The following SPATA17 variants were observed in gnomAD, a reference collection of about 807,000 sequenced individuals.
The protein encoded by SPATA17 is spermatogenesis associated 17.
A neutral mutation model predicts 62.2 loss-of-function variants in SPATA17; 53 were observed. That is an observed-to-expected ratio of 0.85 (90% confidence interval 0.68 to 1.07). The LOEUF is 1.07. Ranked by LOEUF, SPATA17 falls within the 50% of genes least tolerant of loss-of-function variation. SPATA17 has a pLI of 0.00. For synonymous variants in SPATA17, 146 were observed against 146.8 expected (o/e 0.99, Z 0.04); for missense variants, 466 against 425.5 (o/e 1.10, Z -0.84).
At chr1:217,838,242 T>C (rs1314901298) in intron 9 of SPATA17, among the ~76,000 whole-genome samples, 1 of 152,070 alleles carries the variant, frequency 6.6e-6, no homozygotes. Context: ...TTGCCCAATT[T>C]TGGGGGATAG....
chr1:217,751,503 T>G (rs1003090259), intron 6 of SPATA17, among the ~76,000 whole-genome samples: 20 of 152,208 alleles, frequency 1.3e-4, no homozygotes, highest in African/African-American at 4.3e-4. Context: ...ATTGGCAGTC[T>G]CTGTGCAGAA....
chr1:217,828,888 G>T (rs1675065272), intron 9 of SPATA17, among the ~76,000 whole-genome samples: 1 of 152,052 alleles, frequency 6.6e-6, no homozygotes, highest in Non-Finnish European at 1.5e-5. Flanking sequence ...TCAAATCACT[G>T]AGATATCACC....
chr1:217,781,869 A>T lies in SPATA17; in HGVS notation c.724-305A>T, dbSNP rs540873027. The stretch of plus-strand genomic sequence containing the variant: ...TATACTGAACAAAATGTGCTTTGTA[A>T]AATTAGAAAACAAAGCAACCTATAA... On this transcript the variant is annotated intron_variant, in intron 7 of 10. Coordinates refer to ENST00000366933, the MANE Select transcript of SPATA17 (RefSeq NM_138796.4). 9.2e-5 allele frequency among the ~76,000 whole-genome samples: 14 copies of T among 152,284 alleles called. No homozygotes were observed. In the South Asian group the frequency reaches 1.9e-3, roughly 20 times the overall value.
intron 9 of SPATA17, among the ~76,000 whole-genome samples, chr1:217,855,767 G>A (rs892894004): frequency 7.2e-5 from 10 of 138,184 alleles, no homozygotes; most frequent in South Asian, 6.8e-4. Flanking sequence ...TCGCTGTGTC[G>A]CCAGGCTGGA....
chr1:217,678,002 A>C (rs1670991733), intron 4 of SPATA17, among the ~76,000 whole-genome samples: 1 of 152,064 alleles, frequency 6.6e-6, no homozygotes. Flanking sequence ...TACTTTTTAC[A>C]TTCCTAATCT....
At chr1:217,825,716 T>G (rs889146293) in intron 9 of SPATA17, among the ~76,000 whole-genome samples, 1 of 152,062 alleles carries the variant, frequency 6.6e-6, no homozygotes, top group African/African-American at 2.4e-5. Context: ...AAAGTACATA[T>G]TTAGTCTACA....
chr1:217,781,430 A>T (rs1016095721), intron 7 of SPATA17: 1 of 152,208 alleles, frequency 6.6e-6, no homozygotes, highest in Admixed American at 6.5e-5. Context: ...TTTGATTTGT[A>T]TTGTGCCTAA....
At chr1:217,715,091 T>C (rs372004154) in intron 5 of SPATA17, among the ~76,000 whole-genome samples, 41 of 152,282 alleles carry the variant, frequency 2.7e-4, no homozygotes, top group East Asian at 2.5e-3. Context: ...ACCATAAATA[T>C]ATGATATAAA....
At position 217,824,535 on chromosome 1, in the gene SPATA17, A is replaced by G. The variant is rs145706557; in HGVS notation, c.1005+22685A>G. On this transcript the variant is annotated intron_variant, in intron 9 of 10. Coordinates refer to ENST00000366933, the MANE Select transcript of SPATA17 (RefSeq NM_138796.4). ...TAATTAGAGATAGCCACTATCCTCA[A>G]TTTTTTAAATGATTTCTTTGGTTTT... 5.9e-3 allele frequency among the ~76,000 whole-genome samples: 898 copies of G among 151,418 alleles called. 8 individuals carry two copies. The highest frequency in any genetic ancestry group is 0.02 in the African/African-American group (848 of 41,542).
intron 6 of SPATA17, among the ~76,000 whole-genome samples, chr1:217,754,167 C>T (rs960960267): frequency 1.5e-4 from 23 of 151,882 alleles, no homozygotes; most frequent in African/African-American, 4.6e-4. Flanking sequence ...CCCAGGAGGT[C>T]GAGGCTGCAG....
At chr1:217,690,197 C>T (rs1671316851) in intron 5 of SPATA17, among the ~76,000 whole-genome samples, 1 of 152,058 alleles carries the variant, frequency 6.6e-6, no homozygotes, top group South Asian at 2.1e-4. Flanking sequence ...GCCACCGGGC[C>T]CAGCCTTTAC....
intron 7 of SPATA17, among the ~76,000 whole-genome samples, chr1:217,778,095 A>G (rs939963860): frequency 6.6e-6 from 1 of 152,242 alleles, no homozygotes. Flanking sequence ...TAATTATTCT[A>G]TCAAGAAAAT....
intron 5 of SPATA17, among the ~76,000 whole-genome samples, chr1:217,714,868 A>G (rs971472036): frequency 1.3e-5 from 2 of 152,202 alleles, no homozygotes; most frequent in Non-Finnish European, 2.9e-5. Flanking sequence ...AAATGTCAGG[A>G]CATAGGTAGA....
chr1:217,836,634 C>T (rs1231467376), intron 9 of SPATA17, among the ~76,000 whole-genome samples: 1 of 152,056 alleles, frequency 6.6e-6, no homozygotes. Context: ...CCCTAGTGGC[C>T]TATGGCTTCT....
At chr1:217,660,965 A>C (rs1055044071) in intron 3 of SPATA17, among the ~76,000 whole-genome samples, 24 of 152,174 alleles carry the variant, frequency 1.6e-4, no homozygotes, top group African/African-American at 5.8e-4. Context: ...TGATGTTAGG[A>C]CACCTCCATG....
At chr1:217,657,264 C>T (rs1670466409) in intron 3 of SPATA17, among the ~76,000 whole-genome samples, 1 of 152,196 alleles carries the variant, frequency 6.6e-6, no homozygotes, top group Non-Finnish European at 1.5e-5. Flanking sequence ...TGCTGCATTG[C>T]TTCCTTTCAG....
chr1:217,718,559 G>A (rs932245447), intron 5 of SPATA17, among the ~76,000 whole-genome samples: 2 of 152,264 alleles, frequency 1.3e-5, no homozygotes, highest in South Asian at 2.1e-4. Context: ...CATTTGAAAA[G>A]CCTCTACCAG....
chr1:217,747,517 G>A (rs1672790821), intron 6 of SPATA17, among the ~76,000 whole-genome samples: 1 of 151,944 alleles, frequency 6.6e-6, no homozygotes, highest in Non-Finnish European at 1.5e-5. Context: ...AGGTTACTTT[G>A]GAAATATTGG....
intron 9 of SPATA17, among the ~76,000 whole-genome samples, chr1:217,834,750 A>AT (rs906514259): frequency 2.0e-5 from 3 of 152,116 alleles, no homozygotes; most frequent in African/African-American, 7.2e-5. Flanking sequence ...AAAGATAAAT[A>AT]TTTTTATAAA....
Sources: allele counts gnomAD v4.1 joint callset (sites outside exome capture counted in the v4.1 genomes callset), GRCh38; gene constraint gnomAD v4.1.1; transcripts MANE v1.5; gene names NCBI Gene and HGNC (gene_info 2026-07-23, HGNC 2026-07-21).